UPRT: variants seen among roughly 807,000 people sequenced by gnomAD.
UPRT encodes uracil phosphoribosyltransferase homolog, also known as RP11-311P8.3.
Under a neutral mutation model 22.6 loss-of-function variants are expected in UPRT, and 5 were observed. The ratio of observed to expected loss-of-function variants is 0.22; its 90% CI spans 0.12 to 0.47. The LOEUF (loss-of-function observed/expected upper bound fraction) is 0.47, where lower values mean the gene tolerates loss of function less well. Among genes scored for constraint, UPRT ranks in the 20% least tolerant of loss-of-function variants. The pLI, the probability that UPRT is intolerant of heterozygous loss-of-function variation, is 0.99. For synonymous variants in UPRT, 77 were observed against 87.7 expected (o/e 0.88, Z 0.68); for missense variants, 181 against 239.9 (o/e 0.75, Z 1.62).
chrX:75,165,620 A>G (rs2082211064), intron 3 of UPRT, among the ~76,000 whole-genome samples: 1 of 112,406 alleles, frequency 8.9e-6, no homozygotes, highest in South Asian at 3.7e-4. Flanking sequence ...TATAATACCA[A>G]AGAGAAAGGC....
intron 4 of UPRT, among the ~76,000 whole-genome samples, chrX:75,172,531 T>C (rs746873864): frequency 8.9e-6 from 1 of 112,165 alleles, no homozygotes; most frequent in Non-Finnish European, 1.9e-5. Flanking sequence ...AAGCAAGCAG[T>C]GCTTTTGTGT....
intron 1 of UPRT, among the ~76,000 whole-genome samples, chrX:75,281,534 G>T (rs775995877): frequency 9.0e-6 from 1 of 111,713 alleles, no homozygotes; most frequent in Non-Finnish European, 1.9e-5. Flanking sequence ...TGTGATGTTT[G>T]TTTTTAATTC....
rs768199446 is a variant in UPRT at position 75,217,691 on chromosome X, A to G, written c.-447+49812A>G. On this transcript the variant is annotated intron_variant, in intron 4 of 13. Transcript: ENST00000652605. Reference sequence around the variant, plus strand: ...ATGGTACTGGTACCAAAACAGAGATATAGATCAATGGAACAGAACAGAGCC... The same window carrying G: ...ATGGTACTGGTACCAAAACAGAGATGTAGATCAATGGAACAGAACAGAGCC... 4.5e-5 allele frequency among the ~76,000 whole-genome samples: 5 copies of G among 112,158 alleles called. No individual in the cohort carries two copies. The East Asian group carries it at 1.1e-3, about 25-fold the overall frequency.
intron 4 of UPRT, among the ~76,000 whole-genome samples, chrX:75,256,295 T>G: frequency 8.9e-6 from 1 of 111,866 alleles, no homozygotes; most frequent in Middle Eastern, 4.6e-3. Flanking sequence ...AAGATGGAAA[T>G]TAAAAAATTC....
chrX:75,241,716 T>A (rs2147652975), intron 4 of UPRT, among the ~76,000 whole-genome samples: 1 of 111,792 alleles, frequency 8.9e-6, no homozygotes, highest in African/African-American at 3.2e-5. Context: ...AACGTGCATA[T>A]ATATCATGGA....
At chrX:75,158,230 ACTGCTGGGGAAGAG>A (rs953578569) in intron 1 of UPRT, among the ~76,000 whole-genome samples, 2 of 111,757 alleles carry the variant, frequency 1.8e-5, no homozygotes, top group African/African-American at 6.5e-5. Flanking sequence ...AGAGTTGCAC[ACTGCTGGGGAAGAG>A]CAGCAACAAA....
chrX:75,178,353 T>C (rs2082256307), intron 4 of UPRT, among the ~76,000 whole-genome samples: 1 of 111,787 alleles, frequency 8.9e-6, no homozygotes, highest in Non-Finnish European at 1.9e-5. Context: ...TGCTTGGCGA[T>C]AGGCGAAAGT....
chrX:75,237,968 T>G (rs1018461847), intron 4 of UPRT, among the ~76,000 whole-genome samples: 1 of 110,890 alleles, frequency 9.0e-6, no homozygotes, highest in Non-Finnish European at 1.9e-5. Flanking sequence ...AAAAGGAATG[T>G]TAAAAAGAAT....
intron 4 of UPRT, among the ~76,000 whole-genome samples, chrX:75,199,544 C>T (rs1037952150): frequency 1.8e-5 from 2 of 110,748 alleles, no homozygotes; most frequent in Non-Finnish European, 3.8e-5. Context: ...TGTGGGCCTT[C>T]GGTGAGACTC....
intron 4 of UPRT, among the ~76,000 whole-genome samples, chrX:75,182,881 T>G (rs2082275568): frequency 9.0e-6 from 1 of 111,218 alleles, no homozygotes; most frequent in Non-Finnish European, 1.9e-5. Flanking sequence ...TCTTGTTTTC[T>G]GCTAGCTTTG....
chrX:75,243,038 G>T (rs1364384443), intron 4 of UPRT, among the ~76,000 whole-genome samples: 2 of 111,180 alleles, frequency 1.8e-5, no homozygotes, highest in African/African-American at 6.5e-5. Flanking sequence ...TATTTCAGGA[G>T]AAATTTCTCA....
intron 4 of UPRT, among the ~76,000 whole-genome samples, chrX:75,224,099 T>TA (rs944929673): frequency 1.8e-5 from 2 of 111,650 alleles, no homozygotes; most frequent in South Asian, 3.7e-4. Flanking sequence ...TTTGGTTGTT[T>TA]AAAAAAAATT....
chrX:75,274,713 G>A lies in UPRT; in HGVS notation c.386+73G>A, dbSNP rs990519009. 33 of 1,093,380 alleles carry A rather than the reference G, an allele frequency of 3.0e-5. No homozygotes were observed. The African/African-American group carries it at 4.7e-4, about 15-fold the overall frequency. The allele number at this position is 1,093,380 out of a possible 1,213,427, so 90.1% of individuals were successfully genotyped here. A position where few individuals can be genotyped will look rare whatever the true frequency, so the allele number is the denominator to read the frequency against. On this transcript the variant is annotated intron_variant, in intron 1 of 6. Coordinates refer to ENST00000373383, the MANE Select transcript of UPRT (RefSeq NM_145052.4). ...TGTGGGCGGGGATTGGAAGTAAAAG[G>A]GCTAAGAGACAGTGTTCTTGGCCTT...
At chrX:75,259,511 A>G (rs1339672852) in intron 4 of UPRT, among the ~76,000 whole-genome samples, 1 of 108,104 alleles carries the variant, frequency 9.3e-6, no homozygotes, top group African/African-American at 3.4e-5. Context: ...AGGATATCAG[A>G]GATTGAAGAC....
intron 4 of UPRT, among the ~76,000 whole-genome samples, chrX:75,238,430 TCA>T (rs751955703): frequency 1.8e-5 from 2 of 111,410 alleles, no homozygotes; most frequent in Non-Finnish European, 3.8e-5. Context: ...CAGGAAAATA[TCA>T]CAATCATAAA....
At chrX:75,218,432 T>C (rs1218951331) in intron 4 of UPRT, among the ~76,000 whole-genome samples, 2 of 102,631 alleles carry the variant, frequency 1.9e-5, no homozygotes, top group Non-Finnish European at 4.0e-5. Flanking sequence ...ACTTTTACAC[T>C]GTTGGTGGGA....
At chrX:75,204,712 T>G (rs926579726) in intron 4 of UPRT, among the ~76,000 whole-genome samples, 6 of 111,644 alleles carry the variant, frequency 5.4e-5, no homozygotes, top group Non-Finnish European at 1.1e-4. Flanking sequence ...AGGTTGCAGT[T>G]GAGAGAACTG....
intron 2 of UPRT, among the ~76,000 whole-genome samples, chrX:75,163,119 C>T (rs1469846418): frequency 1.8e-5 from 2 of 111,668 alleles, no homozygotes; most frequent in African/African-American, 6.5e-5. Flanking sequence ...CAAAAACTTC[C>T]TTACAATTGT....
intron 1 of UPRT, chrX:75,156,665 C>T: frequency 2.9e-6 from 1 of 345,682 alleles, no homozygotes; most frequent in Non-Finnish European, 5.5e-6. Flanking sequence ...CTCTTACCTC[C>T]TCCAACTCAA....
Sources: gnomAD v4.1 joint callset for allele counts (sites outside exome capture counted in the v4.1 genomes callset) on GRCh38, gnomAD v4.1.1 for gene constraint, MANE v1.5 for transcripts, NCBI Gene and HGNC (gene_info 2026-07-23, HGNC 2026-07-21) for gene names.